The following NRG3 variants were observed in gnomAD, a reference collection of about 807,000 sequenced individuals.
NRG3 encodes neuregulin 3.
NRG3 carries 31 observed loss-of-function variants against 66.9 expected under a neutral mutation model. The ratio of observed to expected loss-of-function variants is 0.46; its 90% CI spans 0.35 to 0.63. NRG3 has a LOEUF of 0.63. Ranked by LOEUF, NRG3 falls within the 20% of genes least tolerant of loss-of-function variation. NRG3 has a pLI of 0.00. For missense variants in NRG3, 910 were observed against 878.9 expected (o/e 1.04, Z -0.45); for synonymous variants, 393 against 359.4 (o/e 1.09, Z -1.06).
chr10:81,968,913 A>C (rs890893308), intron 1 of NRG3, among the ~76,000 whole-genome samples: 9 of 152,190 alleles, frequency 5.9e-5, no homozygotes, highest in Non-Finnish European at 1.0e-4. Context: ...CTTGCAGAGA[A>C]GACGAAGTGA....
chr10:82,128,198 A>G (rs1212216437), intron 1 of NRG3, among the ~76,000 whole-genome samples: 1 of 151,982 alleles, frequency 6.6e-6, no homozygotes, highest in African/African-American at 2.4e-5. Flanking sequence ...AATCATCTTT[A>G]TTAATAATGC....
intron 1 of NRG3, among the ~76,000 whole-genome samples, chr10:82,271,545 A>G (rs1348470284): frequency 6.6e-6 from 1 of 152,058 alleles, no homozygotes; most frequent in Non-Finnish European, 1.5e-5. Context: ...CCATATTCCT[A>G]TATTCACCGT....
At chr10:82,777,855 C>T (rs1005995271) in intron 3 of NRG3, among the ~76,000 whole-genome samples, 28 of 152,238 alleles carry the variant, frequency 1.8e-4, no homozygotes, top group Admixed American at 5.9e-4. Flanking sequence ...TGTTGGGGCA[C>T]GGCTGTAGCT....
intron 1 of NRG3, among the ~76,000 whole-genome samples, chr10:82,325,564 G>T (rs1407459781): frequency 6.6e-6 from 1 of 151,562 alleles, no homozygotes; most frequent in East Asian, 1.9e-4. Flanking sequence ...TGGGCTTTTT[G>T]TAGGCAGCAT....
intron 2 of NRG3, among the ~76,000 whole-genome samples, chr10:82,432,049 A>G (rs1232108214): frequency 1.3e-5 from 2 of 152,198 alleles, no homozygotes; most frequent in South Asian, 2.1e-4. Flanking sequence ...AAAACAGCAA[A>G]TAGATTTACA....
chr10:82,974,053 C>A (rs1592139431), intron 7 of NRG3, 138 bp downstream of exon 7: 4 of 886,224 alleles, frequency 4.5e-6, no homozygotes, highest in East Asian at 5.2e-5. Context: ...GGAGTAAATG[C>A]TCAAACACCT....
rs556854437 is a variant in NRG3, at chr10:82,728,928, A to C, written c.954-9649A>C. Among the ~76,000 whole-genome samples, 41 of 152,264 alleles carry C rather than the reference A, an allele frequency of 2.7e-4. No homozygotes were observed. The South Asian group carries it at 8.1e-3, about 30-fold the overall frequency. ...CCTCTGACTTTGCTGTTAGCATCTA[A>C]ATCTACCTAAATTATTGGATGTATT... On this transcript the variant is annotated intron_variant, in intron 2 of 8. Transcript: ENST00000372141.
At chr10:81,898,431 C>T (rs1843723182) in intron 1 of NRG3, among the ~76,000 whole-genome samples, 1 of 152,190 alleles carries the variant, frequency 6.6e-6, no homozygotes, top group African/African-American at 2.4e-5. Context: ...GAGGCTGTCC[C>T]TGCAACTGTC....
In NRG3 at chr10:82,025,461, GT is replaced by G. The variant is rs2062257779; in HGVS notation, c.823+149299del. On this transcript the variant is annotated intron_variant, in intron 1 of 8. Coordinates refer to ENST00000372141, the MANE Select transcript of NRG3 (RefSeq NM_001010848.4). ...CTTATAAATAATAGTATGTTTACAT[GT>G]GCATATGCCTGAGATAATTAGTTTA... Among the ~76,000 whole-genome samples the G allele has an allele frequency of 3.3e-5, 5 of 151,892 alleles. No homozygotes were observed. In the South Asian group the frequency reaches 1.0e-3, roughly 31 times the overall value.
At chr10:82,460,574 A>T (rs2091465571) in intron 2 of NRG3, among the ~76,000 whole-genome samples, 1 of 152,166 alleles carries the variant, frequency 6.6e-6, no homozygotes, top group Non-Finnish European at 1.5e-5. Context: ...GCAGGAAAAA[A>T]CTGAGATGAG....
chr10:82,695,559 G>A (rs2783413), intron 2 of NRG3, among the ~76,000 whole-genome samples: 89,611 of 151,792 alleles, frequency 0.59, 28,268 homozygotes, highest in East Asian at 0.73. Context: ...ACTAGATAAA[G>A]GGCTAGAAGA....
intron 1 of NRG3, among the ~76,000 whole-genome samples, chr10:81,935,841 A>T (rs1255244823): frequency 6.7e-6 from 1 of 149,096 alleles, no homozygotes; most frequent in Non-Finnish European, 1.5e-5. Context: ...TTCTCAATTT[A>T]CCCAGCTTTT....
intron 2 of NRG3, among the ~76,000 whole-genome samples, chr10:82,419,978 A>T (rs1044923032): frequency 6.6e-6 from 1 of 152,212 alleles, no homozygotes; most frequent in African/African-American, 2.4e-5. Context: ...GGAAGGTGTG[A>T]TCCAGAAACT....
At chr10:82,103,385 T>C (rs1265339779) in intron 1 of NRG3, among the ~76,000 whole-genome samples, 1 of 152,198 alleles carries the variant, frequency 6.6e-6, no homozygotes, top group Non-Finnish European at 1.5e-5. Context: ...AAAAATCCTC[T>C]GAATGATATT....
chr10:82,551,111 G>T (rs947070022), intron 2 of NRG3, among the ~76,000 whole-genome samples: 3 of 151,974 alleles, frequency 2.0e-5, no homozygotes, highest in South Asian at 2.1e-4. Flanking sequence ...TACCATTATG[G>T]GTTGCTTAAA....
intron 2 of NRG3, among the ~76,000 whole-genome samples, chr10:82,717,298 C>G (rs749661997): frequency 2.0e-5 from 3 of 150,852 alleles, no homozygotes; most frequent in Non-Finnish European, 4.4e-5. Flanking sequence ...ACTATGTAAG[C>G]AATGTTTTGG....
intron 2 of NRG3, among the ~76,000 whole-genome samples, chr10:82,465,931 C>T (rs11194491): frequency 0.41 from 62,136 of 151,962 alleles, 14,903 homozygotes; most frequent in African/African-American, 0.65. Context: ...AGGGAACAGT[C>T]GTTGCTTCTG....
intron 1 of NRG3, among the ~76,000 whole-genome samples, chr10:82,103,266 G>A (rs2066869835): frequency 1.3e-5 from 2 of 151,954 alleles, no homozygotes; most frequent in African/African-American, 4.8e-5. Context: ...CAGACATTTG[G>A]TTATGAGGTT....
intron 1 of NRG3, among the ~76,000 whole-genome samples, chr10:82,052,024 G>A (rs1171041428): frequency 9.1e-5 from 12 of 131,566 alleles, no homozygotes; most frequent in South Asian, 3.0e-4. Context: ...GCCACATACC[G>A]CATTAGATTT....
Sources: gnomAD v4.1 joint callset for allele counts (sites outside exome capture counted in the v4.1 genomes callset) on GRCh38, gnomAD v4.1.1 for gene constraint, MANE v1.5 for transcripts, NCBI Gene and HGNC (gene_info 2026-07-23, HGNC 2026-07-21) for gene names.